The following AFG2A variants were observed in gnomAD, a reference collection of about 807,000 sequenced individuals.
AFG2A encodes ATPase family gene 2 protein homolog A.
chr4:123,097,747 G>C, the AFG2A span, among the ~76,000 whole-genome samples: 1 of 152,120 alleles, frequency 6.6e-6, no homozygotes, highest in East Asian at 1.9e-4. Flanking sequence ...AAGAGAGACT[G>C]GTGAGAGGTT....
chr4:123,314,220 T>A, the AFG2A span: 2 of 530,190 alleles, frequency 3.8e-6, no homozygotes, highest in East Asian at 6.6e-5. Context: ...GATTTTCAAG[T>A]CATGTAAGTA....
chr4:123,125,910 G>T, the AFG2A span, among the ~76,000 whole-genome samples: 1 of 151,888 alleles, frequency 6.6e-6, no homozygotes, highest in Non-Finnish European at 1.5e-5. Flanking sequence ...ATTGCCTCTT[G>T]ACTCGTTTCT....
chr4:123,026,419 A>G, the AFG2A span, among the ~76,000 whole-genome samples: 1 of 152,194 alleles, frequency 6.6e-6, no homozygotes, highest in Non-Finnish European at 1.5e-5. Context: ...CTAAAAAAAA[A>G]TACTAACACG....
chr4:123,076,733 C>T, the AFG2A span, among the ~76,000 whole-genome samples: 10 of 151,780 alleles, frequency 6.6e-5, no homozygotes, highest in African/African-American at 1.9e-4. Context: ...TTTTGACCCC[C>T]AAAAGAAATC....
At chr4:123,253,088 T>C in the AFG2A span, among the ~76,000 whole-genome samples, 4 of 152,130 alleles carry the variant, frequency 2.6e-5, no homozygotes, top group African/African-American at 9.7e-5. Flanking sequence ...ACCTGTAATC[T>C]CAGCACTTTG....
the AFG2A span, among the ~76,000 whole-genome samples, chr4:123,230,936 C>T: frequency 6.6e-6 from 1 of 151,958 alleles, no homozygotes; most frequent in African/African-American, 2.4e-5. Context: ...CAACAGTGGG[C>T]TTAAAATATC....
At chr4:123,028,731 A>G in the AFG2A span, among the ~76,000 whole-genome samples, 2 of 152,178 alleles carry the variant, frequency 1.3e-5, no homozygotes, top group Non-Finnish European at 2.9e-5. Context: ...GGACTTAAAG[A>G]TAAACATGAC....
At chr4:123,253,412 A>G in the AFG2A span, among the ~76,000 whole-genome samples, 41 of 151,882 alleles carry the variant, frequency 2.7e-4, no homozygotes, top group Non-Finnish European at 4.9e-4. Flanking sequence ...CGAACCCAGG[A>G]GGCAGAGGTT....
At chr4:123,020,204 CAT>C in the AFG2A span, among the ~76,000 whole-genome samples, 866 of 152,142 alleles carry the variant, frequency 5.7e-3, 8 homozygotes, top group African/African-American at 0.019. Context: ...CACACACACA[CAT>C]GCACACAGAC....
At chr4:123,293,183 A>C in the AFG2A span, among the ~76,000 whole-genome samples, 109,735 of 152,064 alleles carry the variant, frequency 0.72, 40,826 homozygotes, top group Non-Finnish European at 0.81. Flanking sequence ...AGGTGCACCC[A>C]AGCCAAGCTC....
the AFG2A span, among the ~76,000 whole-genome samples, chr4:123,247,940 T>C: frequency 5.3e-5 from 8 of 152,202 alleles, no homozygotes; most frequent in Non-Finnish European, 1.2e-4. Context: ...CATTTTCTAC[T>C]AGTGTCTTAG....
the AFG2A span, among the ~76,000 whole-genome samples, chr4:122,973,181 A>G: frequency 4.6e-5 from 7 of 152,094 alleles, no homozygotes; most frequent in Admixed American, 2.6e-4. Flanking sequence ...CTTAATGCCT[A>G]TTTGATAGTA....
At chr4:123,290,437 A>G in the AFG2A span, among the ~76,000 whole-genome samples, 1 of 152,192 alleles carries the variant, frequency 6.6e-6, no homozygotes, top group African/African-American at 2.4e-5. Context: ...TCCCAGCACC[A>G]TTTATTGAAA....
chr4:123,208,716 G>T, the AFG2A span, among the ~76,000 whole-genome samples: 1 of 152,180 alleles, frequency 6.6e-6, no homozygotes, highest in African/African-American at 2.4e-5. Context: ...GTTAGGAATA[G>T]TCTCCAGATG....
the AFG2A span, among the ~76,000 whole-genome samples, chr4:123,124,401 C>A: frequency 6.6e-6 from 1 of 152,282 alleles, no homozygotes; most frequent in African/African-American, 2.4e-5. Flanking sequence ...AAAAACCAAA[C>A]ACCTCATGTT....
At chr4:123,057,772 A>G in the AFG2A span, among the ~76,000 whole-genome samples, 1 of 151,954 alleles carries the variant, frequency 6.6e-6, no homozygotes, top group Non-Finnish European at 1.5e-5. Context: ...CTCAGGCAGT[A>G]AAGAGGATTA....
chr4:123,019,053 A>C, the AFG2A span, among the ~76,000 whole-genome samples: 1 of 152,142 alleles, frequency 6.6e-6, no homozygotes, highest in African/African-American at 2.4e-5. Context: ...AAACTTTATA[A>C]TCATCTCTCA....
At chr4:122,987,174 G>A in the AFG2A span, among the ~76,000 whole-genome samples, 2 of 151,948 alleles carry the variant, frequency 1.3e-5, no homozygotes, top group Non-Finnish European at 2.9e-5. Flanking sequence ...AAATTGCTAT[G>A]AAATAGCATG....
At chr4:123,098,190 G>C in the AFG2A span, among the ~76,000 whole-genome samples, 1 of 151,902 alleles carries the variant, frequency 6.6e-6, no homozygotes, top group Non-Finnish European at 1.5e-5. Flanking sequence ...TTTAATGTCT[G>C]TTGTTCATAT....
Sources: gnomAD v4.1 joint callset for allele counts (sites outside exome capture counted in the v4.1 genomes callset) on GRCh38, gnomAD v4.1.1 for gene constraint, MANE v1.5 for transcripts, NCBI Gene and HGNC (gene_info 2026-07-23, HGNC 2026-07-21) for gene names.